Variants in MCTP1 observed in about 807,000 individuals in gnomAD.
MCTP1 encodes multiple C2 and transmembrane domain-containing protein 1.
In MCTP1, 69 loss-of-function variants were observed where a neutral mutation model predicts 120.6. The ratio of observed to expected loss-of-function variants is 0.57; its 90% CI spans 0.47 to 0.70. MCTP1 has a LOEUF of 0.70. MCTP1 is among the 30% of genes least tolerant of loss of function. The probability of loss-of-function intolerance (pLI) is 0.00; values close to 1 mark genes in which losing one functional copy is unlikely to be tolerated. For synonymous variants in MCTP1, 529 were observed against 493.1 expected, an observed-to-expected ratio of 1.07 and a Z score of -0.96; for missense variants, 1,203 against 1,248.8, an observed-to-expected ratio of 0.96 and a Z score of 0.55.
At chr5:95,216,988 C>A (rs1207573033) in intron 1 of MCTP1, among the ~76,000 whole-genome samples, 1 of 152,134 alleles carries the variant, frequency 6.6e-6, no homozygotes, top group Non-Finnish European at 1.5e-5. Flanking sequence ...ATTGACCATC[C>A]AAAGGGTATA....
At chr5:94,858,990 G>C (rs1232746962) in intron 17 of MCTP1, among the ~76,000 whole-genome samples, 1 of 151,636 alleles carries the variant, frequency 6.6e-6, no homozygotes, top group Non-Finnish European at 1.5e-5. Flanking sequence ...TCCCACTGTG[G>C]AGAAATGTGT....
chr5:95,161,350 C>A (rs976959058), intron 1 of MCTP1, among the ~76,000 whole-genome samples: 3 of 152,024 alleles, frequency 2.0e-5, no homozygotes, highest in Non-Finnish European at 2.9e-5. Context: ...CATAGAGAGA[C>A]AGATACTGCA....
At chr5:94,933,493 A>G (rs1436706947) in intron 5 of MCTP1, among the ~76,000 whole-genome samples, 1 of 151,854 alleles carries the variant, frequency 6.6e-6, no homozygotes, top group Non-Finnish European at 1.5e-5. Context: ...GCCCCATAAG[A>G]GTTGGATAAT....
intron 18 of MCTP1, among the ~76,000 whole-genome samples, chr5:94,785,131 G>T (rs750895441): frequency 2.6e-5 from 4 of 152,088 alleles, no homozygotes; most frequent in Non-Finnish European, 4.4e-5. Flanking sequence ...TTAAGTGTCA[G>T]CTTAATATGC....
At position 95,030,552 on chromosome 5, in the gene MCTP1, A is replaced by T. The variant is rs115156666; in HGVS notation, c.721-13068T>A. Reference sequence around the variant, plus strand: ...GAGAAAGCCACAGCATAGAAGCTATATACAACCCAAGAGACACATCCAGAG... The same window carrying T: ...GAGAAAGCCACAGCATAGAAGCTATTTACAACCCAAGAGACACATCCAGAG... On this transcript the variant is annotated intron_variant, in intron 1 of 22. Coordinates refer to ENST00000515393, the MANE Select transcript of MCTP1 (RefSeq NM_024717.7). Among the ~76,000 whole-genome samples, 311 of 152,344 alleles carry T rather than the reference A, an allele frequency of 2.0e-3. 1 individual carries two copies. Among genetic ancestry groups the T allele is most frequent in the African/African-American group, 7.1e-3 (297 of 41,570 alleles).
chr5:95,165,298 G>A (rs552989809), intron 1 of MCTP1, among the ~76,000 whole-genome samples: 72 of 152,274 alleles, frequency 4.7e-4, no homozygotes, highest in African/African-American at 1.7e-3. Flanking sequence ...TTACTTTTGT[G>A]CCCACCTAAT....
chr5:94,965,450 G>C (rs1825349087), intron 2 of MCTP1, among the ~76,000 whole-genome samples: 1 of 152,110 alleles, frequency 6.6e-6, no homozygotes, highest in South Asian at 2.1e-4. Context: ...TTCCCATTCT[G>C]TACTCCACTA....
chr5:95,109,923 C>T (rs1313143184), intron 1 of MCTP1, among the ~76,000 whole-genome samples: 1 of 152,150 alleles, frequency 6.6e-6, no homozygotes, highest in East Asian at 1.9e-4. Context: ...GTTTGCTGGA[C>T]TCATGGAATA....
chr5:95,235,003 T>A (rs1755383382), intron 1 of MCTP1, among the ~76,000 whole-genome samples: 1 of 152,182 alleles, frequency 6.6e-6, no homozygotes, highest in South Asian at 2.1e-4. Context: ...ATTATTTCCC[T>A]GATAAACAAA....
intron 1 of MCTP1, among the ~76,000 whole-genome samples, chr5:95,212,257 G>C (rs1022447762): frequency 6.6e-6 from 1 of 152,120 alleles, no homozygotes; most frequent in Non-Finnish European, 1.5e-5. Context: ...AAATAAACTA[G>C]AAAATCTAGA....
chr5:94,999,219 G>A (rs1833179387), intron 2 of MCTP1, among the ~76,000 whole-genome samples: 1 of 152,104 alleles, frequency 6.6e-6, no homozygotes, highest in Non-Finnish European at 1.5e-5. Context: ...TTTCCTTTAT[G>A]CTTATTTCAT....
At chr5:94,911,177 T>C (rs937498638) in intron 9 of MCTP1, among the ~76,000 whole-genome samples, 23 of 152,136 alleles carry the variant, frequency 1.5e-4, no homozygotes, top group African/African-American at 5.6e-4. Flanking sequence ...CAAAAATCTA[T>C]AGAGATTATG....
intron 1 of MCTP1, among the ~76,000 whole-genome samples, chr5:95,036,944 T>C (rs79595942): frequency 0.017 from 2,629 of 152,342 alleles, 42 homozygotes; most frequent in Non-Finnish European, 0.022. Flanking sequence ...TTTAATCCCA[T>C]ATTGGATACC....
At chr5:94,890,033 G>T (rs1398311199) in intron 11 of MCTP1, among the ~76,000 whole-genome samples, 2 of 151,922 alleles carry the variant, frequency 1.3e-5, no homozygotes, top group African/African-American at 2.4e-5. Context: ...TAGAGACAGG[G>T]TCTAACTCAG....
chr5:95,202,513 G>T lies in MCTP1; in HGVS notation c.720+81343C>A, dbSNP rs144828189. ...TGATTTATTGATCTGTCTCCTATTG[G>T]TTGTCTCTTTGGAGAACCCTGACTA... is the stretch of plus-strand genomic sequence containing the variant. On this transcript the variant is annotated intron_variant, in intron 1 of 22. Transcript: ENST00000515393. 4.2e-3 allele frequency among the ~76,000 whole-genome samples: 638 copies of T among 152,198 alleles called. 6 individuals carry two copies. Among genetic ancestry groups the T allele is most frequent in the African/African-American group, 0.014 (600 of 41,510 alleles).
intron 17 of MCTP1, among the ~76,000 whole-genome samples, chr5:94,853,778 G>T (rs933689637): frequency 1.3e-5 from 2 of 151,844 alleles, no homozygotes; most frequent in African/African-American, 4.8e-5. Context: ...TAAGAACTTG[G>T]ATGCCTAAGG....
chr5:95,158,624 A>C (rs1745376985), intron 1 of MCTP1, among the ~76,000 whole-genome samples: 1 of 152,198 alleles, frequency 6.6e-6, no homozygotes, highest in African/African-American at 2.4e-5. Context: ...ATAAATAGTT[A>C]AACTCAAAAG....
chr5:95,037,406 T>C (rs1212067084), intron 1 of MCTP1, among the ~76,000 whole-genome samples: 1 of 152,176 alleles, frequency 6.6e-6, no homozygotes, highest in African/African-American at 2.4e-5. Flanking sequence ...AATCTACCTA[T>C]GCATTGCCAA....
At chr5:95,058,616 T>TA (rs1456352110) in intron 1 of MCTP1, among the ~76,000 whole-genome samples, 2 of 152,184 alleles carry the variant, frequency 1.3e-5, no homozygotes, top group Non-Finnish European at 2.9e-5. Context: ...TCTACAAACT[T>TA]AAACTATACC....
Sources: allele counts gnomAD v4.1 joint callset (sites outside exome capture counted in the v4.1 genomes callset), GRCh38; gene constraint gnomAD v4.1.1; transcripts MANE v1.5; gene names NCBI Gene and HGNC (gene_info 2026-07-23, HGNC 2026-07-21).